Variants in CDH13 observed in about 807,000 individuals in gnomAD.
The protein encoded by CDH13 is cadherin-13.
In CDH13, 24 loss-of-function variants were observed where a neutral mutation model predicts 63.8. The ratio of observed to expected loss-of-function variants is 0.38; its 90% CI spans 0.27 to 0.53. CDH13 has a LOEUF of 0.53. CDH13 is among the 20% of genes least tolerant of loss of function. The pLI, the probability that CDH13 is intolerant of heterozygous loss-of-function variation, is 0.85. For synonymous variants in CDH13, 503 were observed against 355.3 expected (o/e 1.42, Z -4.67); for missense variants, 1,049 against 903.1 (o/e 1.16, Z -2.07).
At chr16:83,166,297 G>GGT (rs2037665859) in intron 4 of CDH13, among the ~76,000 whole-genome samples, 1 of 152,046 alleles carries the variant, frequency 6.6e-6, no homozygotes, top group South Asian at 2.1e-4. Flanking sequence ...TCTCTAACAT[G>GGT]GTGTTTAAGC....
At position 83,053,410 on chromosome 16, in the gene CDH13, A is replaced by G. The variant is rs1016919129; in HGVS notation, c.366+21192A>G. 2.0e-5 allele frequency among the ~76,000 whole-genome samples: 3 copies of G among 152,226 alleles called. No individual in the cohort carries two copies. The East Asian group carries it at 5.8e-4, about 29-fold the overall frequency. ...TCTCTCCTGGGGTATCAGAAGACACACTCACATTAGGATAATGCAGATAAG... is the reference window on the plus strand; with the variant it reads ...TCTCTCCTGGGGTATCAGAAGACACGCTCACATTAGGATAATGCAGATAAG... On this transcript the variant is annotated intron_variant, in intron 3 of 13. Coordinates refer to ENST00000567109, the MANE Select transcript of CDH13 (RefSeq NM_001257.5).
chr16:83,360,134 G>A (rs1019817797), intron 6 of CDH13, among the ~76,000 whole-genome samples: 1 of 152,226 alleles, frequency 6.6e-6, no homozygotes, highest in African/African-American at 2.4e-5. Flanking sequence ...TATTGCCAAA[G>A]ATAGGGCTTC....
rs534144684 is a variant in CDH13 at position 82,652,418 on chromosome 16, G to C, written c.45+25281G>C. On this transcript the variant is annotated intron_variant, in intron 1 of 13. Transcript: ENST00000567109. The stretch of plus-strand genomic sequence containing the variant: ...CCTCTCGTTATATATCTTCTATCCT[G>C]ATTGATTGCATCAGAAAAGCCATTC... 2.0e-5 allele frequency among the ~76,000 whole-genome samples: 3 copies of C among 152,326 alleles called. No individual in the cohort carries two copies. The East Asian group carries it at 5.8e-4, about 29-fold the overall frequency.
intron 2 of CDH13, among the ~76,000 whole-genome samples, chr16:83,010,095 A>G (rs946555511): frequency 1.4e-5 from 2 of 138,444 alleles, no homozygotes; most frequent in African/African-American, 2.8e-5. Context: ...AGATCACACC[A>G]TTGCACTCCA....
intron 2 of CDH13, among the ~76,000 whole-genome samples, chr16:82,942,942 C>G (rs1027549500): frequency 1.3e-5 from 2 of 152,142 alleles, no homozygotes; most frequent in African/African-American, 4.8e-5. Context: ...AGTCTGTGCT[C>G]TACCCCGTAT....
chr16:83,459,333 A>C (rs1044766709), intron 6 of CDH13, among the ~76,000 whole-genome samples: 1 of 152,234 alleles, frequency 6.6e-6, no homozygotes. Context: ...AGAGGACAGA[A>C]TAAACGTGAT....
At chr16:82,676,668 G>A (rs893287224) in intron 1 of CDH13, among the ~76,000 whole-genome samples, 2 of 151,794 alleles carry the variant, frequency 1.3e-5, no homozygotes, top group African/African-American at 4.8e-5. Context: ...GTGGCCTGCC[G>A]TTGGTTTTTT....
At chr16:83,748,024 C>T in intron 10 of CDH13, 84 bp from the exon 11 acceptor site, 1 of 1,452,994 alleles carries the variant, frequency 6.9e-7, no homozygotes. Context: ...AGCACCTAGC[C>T]TAGGAGCTCA....
chr16:83,418,507 C>G (rs769459237), intron 6 of CDH13, among the ~76,000 whole-genome samples: 2 of 152,094 alleles, frequency 1.3e-5, no homozygotes, highest in Non-Finnish European at 2.9e-5. Context: ...GTTCCTATAG[C>G]TATGGGGACA....
intron 2 of CDH13, among the ~76,000 whole-genome samples, chr16:82,932,625 T>G (rs1392256405): frequency 6.6e-6 from 1 of 152,172 alleles, no homozygotes; most frequent in African/African-American, 2.4e-5. Flanking sequence ...AAAAAATGTG[T>G]TTTTTCTCAT....
chr16:82,689,437 T>G (rs1915415180), intron 1 of CDH13, among the ~76,000 whole-genome samples: 1 of 152,182 alleles, frequency 6.6e-6, no homozygotes, highest in Non-Finnish European at 1.5e-5. Context: ...TAACCTCCTT[T>G]TACATAACAT....
At chr16:83,264,425 A>G (rs1488640934) in intron 5 of CDH13, among the ~76,000 whole-genome samples, 1 of 152,136 alleles carries the variant, frequency 6.6e-6, no homozygotes, top group South Asian at 2.1e-4. Flanking sequence ...ACATATGTAG[A>G]AATATATATA....
At chr16:83,618,792 A>G (rs894840419) in intron 8 of CDH13, among the ~76,000 whole-genome samples, 1 of 152,174 alleles carries the variant, frequency 6.6e-6, no homozygotes, top group Non-Finnish European at 1.5e-5. Flanking sequence ...ACATAAAGGA[A>G]TCGTTAGAGT....
chr16:83,545,955 A>C (rs1445129826), intron 7 of CDH13, among the ~76,000 whole-genome samples: 4 of 152,198 alleles, frequency 2.6e-5, no homozygotes, highest in Non-Finnish European at 5.9e-5. Flanking sequence ...GGAGGTGAAC[A>C]AGAAAGCATA....
intron 2 of CDH13, among the ~76,000 whole-genome samples, chr16:82,948,300 T>G (rs1394251964): frequency 6.6e-6 from 1 of 152,164 alleles, no homozygotes; most frequent in East Asian, 1.9e-4. Flanking sequence ...TTAGGATTCT[T>G]TATATTCTAA....
chr16:82,985,470 T>C (rs1910817137), intron 2 of CDH13, among the ~76,000 whole-genome samples: 3 of 152,204 alleles, frequency 2.0e-5, no homozygotes. Flanking sequence ...TGATGACAAC[T>C]GTATTCATTA....
At chr16:83,785,529 G>C in intron 13 of CDH13, among the ~76,000 whole-genome samples, 1 of 152,174 alleles carries the variant, frequency 6.6e-6, no homozygotes, top group East Asian at 1.9e-4. Flanking sequence ...TGAATTTATA[G>C]CAACACATTA....
At position 82,634,051 on chromosome 16, in the gene CDH13, C is replaced by T. The variant is rs539076145; in HGVS notation, c.45+6914C>T. ...TTGTCATGTCTCATTTCAAAGACAC[C>T]AATGAGCATCACCCGATCTGCTGCA... On this transcript the variant is annotated intron_variant, in intron 1 of 13. Coordinates refer to ENST00000567109, the MANE Select transcript of CDH13 (RefSeq NM_001257.5). Among the ~76,000 whole-genome samples, 50 of 152,340 alleles carry T rather than the reference C, an allele frequency of 3.3e-4. 1 individual carries two copies. In the South Asian group the frequency reaches 7.4e-3, roughly 23 times the overall value.
intron 2 of CDH13, among the ~76,000 whole-genome samples, chr16:83,014,281 C>A (rs570361800): frequency 6.9e-6 from 1 of 144,530 alleles, no homozygotes; most frequent in African/African-American, 2.6e-5. Context: ...TATTATCAAC[C>A]GTTAGCGTGA....
Sources: gnomAD v4.1 joint callset for allele counts (sites outside exome capture counted in the v4.1 genomes callset) on GRCh38, gnomAD v4.1.1 for gene constraint, MANE v1.5 for transcripts, NCBI Gene and HGNC (gene_info 2026-07-23, HGNC 2026-07-21) for gene names.